The following MYO5B variants were observed in gnomAD, a reference collection of about 807,000 sequenced individuals.
MYO5B encodes the protein myosin VB.
MYO5B carries 143 observed loss-of-function variants against 229.3 expected under a neutral mutation model. That is an observed-to-expected ratio of 0.62 (90% confidence interval 0.54 to 0.72). MYO5B has a LOEUF of 0.72. Ranked by LOEUF, MYO5B falls within the 30% of genes least tolerant of loss-of-function variation. The pLI, the probability that MYO5B is intolerant of heterozygous loss-of-function variation, is 0.00. For missense variants in MYO5B, 2,321 were observed against 2,331.0 expected, an observed-to-expected ratio of 1.00 and a Z score of 0.09; for synonymous variants, 918 against 885.2, an observed-to-expected ratio of 1.04 and a Z score of -0.66.
At chr18:50,129,256 C>T (rs1335093167) in intron 1 of MYO5B, among the ~76,000 whole-genome samples, 1 of 152,214 alleles carries the variant, frequency 6.6e-6, no homozygotes, top group East Asian at 1.9e-4. Context: ...ATTTACAATC[C>T]CATAGACTCC....
Position 49,904,841 on chromosome 18 carries a change from A to G in MYO5B, c.2415-13T>C. The stretch of plus-strand genomic sequence containing the variant: ...GTGCTCAGCCAGCCTGGGGAGCAAG[A>G]GGAAACAGGCAGTGTCAGGGAGAGA... On this transcript the variant is annotated splice_polypyrimidine_tract_variant and intron_variant, in intron 19 of 39. Transcript: ENST00000285039. The G allele has an allele frequency of 6.2e-7, 1 of 1,613,256 alleles. No homozygotes were observed.
chr18:49,994,681 C>G (rs912642641), intron 5 of MYO5B, among the ~76,000 whole-genome samples: 7 of 152,128 alleles, frequency 4.6e-5, no homozygotes, highest in African/African-American at 1.7e-4. Flanking sequence ...CAACCAAAGG[C>G]GATGGGGACT....
At chr18:49,878,426 CT>C (rs10706661) in intron 24 of MYO5B, among the ~76,000 whole-genome samples, 152,280 of 152,280 alleles carry the variant, frequency 1, 76,140 homozygotes, top group Non-Finnish European at 1. Flanking sequence ...TTCAGCTTTT[CT>C]TTCCTGGCTT....
chr18:49,875,613 A>G, intron 26 of MYO5B, 74 bp downstream of exon 26: 1 of 1,599,624 alleles, frequency 6.3e-7, no homozygotes, highest in Non-Finnish European at 8.6e-7. Context: ...CACATGCCAC[A>G]TGAGCCCTGG....
At chr18:49,934,318 C>A (rs2025226424) in intron 16 of MYO5B, among the ~76,000 whole-genome samples, 1 of 152,198 alleles carries the variant, frequency 6.6e-6, no homozygotes, top group Non-Finnish European at 1.5e-5. Context: ...TGAGCTCAAA[C>A]TAGAATCCCG....
At chr18:50,150,913 T>C (rs1405066354) in intron 1 of MYO5B, among the ~76,000 whole-genome samples, 1 of 152,198 alleles carries the variant, frequency 6.6e-6, no homozygotes, top group East Asian at 1.9e-4. Flanking sequence ...CACAGCTCCA[T>C]ACTCAATGCT....
intron 2 of MYO5B, among the ~76,000 whole-genome samples, chr18:50,044,152 T>C (rs1403745831): frequency 6.6e-6 from 1 of 152,064 alleles, no homozygotes; most frequent in Non-Finnish European, 1.5e-5. Flanking sequence ...GGAGTAAAAA[T>C]GCCCAGAGCA....
chr18:49,916,267 A>G (rs952414363), intron 17 of MYO5B, among the ~76,000 whole-genome samples: 3 of 152,228 alleles, frequency 2.0e-5, no homozygotes, highest in Non-Finnish European at 4.4e-5. Context: ...CAAGGAAATT[A>G]CTAGAGTGAG....
intron 10 of MYO5B, chr18:49,969,725 G>T (rs1198442863): frequency 6.6e-6 from 1 of 152,220 alleles, no homozygotes; most frequent in African/African-American, 2.4e-5. Flanking sequence ...ACCGAATAGA[G>T]TTGGATGCTA....
intron 14 of MYO5B, among the ~76,000 whole-genome samples, chr18:49,949,347 A>T (rs921789374): frequency 4.0e-5 from 6 of 148,710 alleles, no homozygotes; most frequent in South Asian, 2.1e-4. Context: ...AAAAAAAAGG[A>T]AAACCTCCAT....
rs1381403631 is a variant in MYO5B, at chr18:50,188,796, A to AC, written c.27+5970_27+5971insG. Among the ~76,000 whole-genome samples the AC allele has an allele frequency of 8.0e-3, 998 of 125,258 alleles. 13 individuals carry two copies. Among genetic ancestry groups the AC allele is most frequent in the East Asian group, 0.012 (54 of 4,646 alleles). 82.2% of individuals were successfully genotyped at this position (125,258 alleles called of 152,430 possible). ...GTGAGACTCTGTCATAAAAAAAAAA[A>AC]AAAAAAAAAAAAAAAAAAAAACACA... On this transcript the variant is annotated intron_variant, in intron 1 of 39. Coordinates refer to ENST00000285039, the MANE Select transcript of MYO5B (RefSeq NM_001080467.3).
chr18:50,183,319 ATATATATATATATATATATC>A (rs1411818434), intron 1 of MYO5B, among the ~76,000 whole-genome samples: 10 of 49,980 alleles, frequency 2.0e-4, no homozygotes, highest in South Asian at 5.0e-4. Context: ...ATATATATAT[ATATATATATATATATATATC>A]TCCTTCAATA....
intron 1 of MYO5B, among the ~76,000 whole-genome samples, chr18:50,188,124 T>C (rs1333207594): frequency 6.6e-6 from 1 of 152,222 alleles, no homozygotes; most frequent in Non-Finnish European, 1.5e-5. Context: ...TGTAAGTGTA[T>C]ATTTCAAAAT....
intron 18 of MYO5B, among the ~76,000 whole-genome samples, 174 bp from the exon 19 acceptor site, chr18:49,906,804 G>C (rs1012426953): frequency 6.6e-6 from 1 of 152,082 alleles, no homozygotes; most frequent in Admixed American, 6.5e-5. Context: ...ACCCTACTAC[G>C]GGCCAGACTC....
chr18:50,043,319 A>T (rs1263310003), intron 2 of MYO5B, among the ~76,000 whole-genome samples: 3 of 91,402 alleles, frequency 3.3e-5, no homozygotes, highest in East Asian at 3.0e-4. Context: ...ATAAATATAT[A>T]AAATATATAT....
intron 21 of MYO5B, among the ~76,000 whole-genome samples, chr18:49,900,654 A>G (rs1225851854): frequency 1.3e-5 from 2 of 152,218 alleles, no homozygotes; most frequent in African/African-American, 2.4e-5. Flanking sequence ...GAATAGATAC[A>G]TTAAATCCCA....
chr18:49,864,108 C>A (rs776259155), intron 28 of MYO5B, 33 bp downstream of exon 28: 7 of 1,602,244 alleles, frequency 4.4e-6, no homozygotes, highest in Non-Finnish European at 5.9e-6. Flanking sequence ...GGTCACCCCT[C>A]GGCAGCCCCA....
At chr18:49,871,641 A>G in intron 27 of MYO5B, 1 of 202,638 alleles carries the variant, frequency 4.9e-6, no homozygotes, top group East Asian at 1.1e-4. Flanking sequence ...AGTCCATTGA[A>G]ATAACTCACT....
intron 1 of MYO5B, among the ~76,000 whole-genome samples, chr18:50,138,796 C>G (rs2032374720): frequency 6.6e-6 from 1 of 152,188 alleles, no homozygotes; most frequent in Non-Finnish European, 1.5e-5. Context: ...CCTGGTGGTT[C>G]CAAGGGGAAA....
Sources: allele counts gnomAD v4.1 joint callset (sites outside exome capture counted in the v4.1 genomes callset), GRCh38; gene constraint gnomAD v4.1.1; transcripts MANE v1.5; gene names NCBI Gene and HGNC (gene_info 2026-07-23, HGNC 2026-07-21).